The following RBFOX1 variants were observed in gnomAD, a reference collection of about 807,000 sequenced individuals.
RBFOX1 encodes RNA binding fox-1 homolog 1.
Under a neutral mutation model 57.7 loss-of-function variants are expected in RBFOX1, and 8 were observed. The observed-to-expected ratio is 0.14, with a 90% CI of 0.08 to 0.25. The LOEUF (loss-of-function observed/expected upper bound fraction) is 0.25. Ranked by LOEUF, RBFOX1 falls within the 10% of genes least tolerant of loss-of-function variation. RBFOX1 has a pLI of 1.00. For synonymous variants in RBFOX1, 326 were observed against 222.4 expected (o/e 1.47, Z -4.15); for missense variants, 611 against 548.5 (o/e 1.11, Z -1.14).
At chr16:7,205,605 C>G (rs750082188) in intron 4 of RBFOX1, among the ~76,000 whole-genome samples, 1 of 152,120 alleles carries the variant, frequency 6.6e-6, no homozygotes, top group African/African-American at 2.4e-5. Flanking sequence ...CCTGTTTTCA[C>G]TTCTACAATC....
At chr16:6,735,778 C>T (rs2070066761) in intron 3 of RBFOX1, among the ~76,000 whole-genome samples, 1 of 152,142 alleles carries the variant, frequency 6.6e-6, no homozygotes, top group Admixed American at 6.5e-5. Context: ...GGGTGGTGAT[C>T]TGTGGTTCCT....
intron 3 of RBFOX1, among the ~76,000 whole-genome samples, chr16:5,863,475 G>T (rs1416369283): frequency 4.6e-5 from 7 of 152,198 alleles, no homozygotes; most frequent in Non-Finnish European, 1.5e-5. Context: ...CCATCCTCCA[G>T]CAGGCCTCTG....
In RBFOX1 at chr16:7,075,781, C is replaced by T. The variant is rs558819477; in HGVS notation, c.27+23683C>T. Among the ~76,000 whole-genome samples the T allele has an allele frequency of 5.9e-4, 90 of 152,128 alleles. 1 individual carries two copies. Among genetic ancestry groups the T allele is most frequent in the African/African-American group, 2.1e-3 (88 of 41,532 alleles). On this transcript the variant is annotated intron_variant, in intron 4 of 15. Transcript: ENST00000550418. Reference sequence around the variant, plus strand: ...ATTTTTAGTAGAGACGGGATTTCACCGTTTTAGCCAGGATGGTCTTGATCT... The same window carrying T: ...ATTTTTAGTAGAGACGGGATTTCACTGTTTTAGCCAGGATGGTCTTGATCT...
At chr16:6,667,186 C>T (rs115661778) in intron 3 of RBFOX1, among the ~76,000 whole-genome samples, 2,312 of 152,260 alleles carry the variant, frequency 0.015, 59 homozygotes, top group African/African-American at 0.053. Context: ...AAATTAGCCT[C>T]TGATGGGCCG....
chr16:7,263,669 G>C, intron 4 of RBFOX1, among the ~76,000 whole-genome samples: 1 of 152,060 alleles, frequency 6.6e-6, no homozygotes, highest in East Asian at 1.9e-4. Context: ...GCCGAGGCAG[G>C]TGGATTACAT....
At chr16:6,946,019 T>C (rs2079443985) in intron 3 of RBFOX1, among the ~76,000 whole-genome samples, 1 of 152,166 alleles carries the variant, frequency 6.6e-6, no homozygotes, top group Non-Finnish European at 1.5e-5. Context: ...TGGAGCCCCC[T>C]TTGCCTACAC....
intron 4 of RBFOX1, among the ~76,000 whole-genome samples, chr16:7,063,006 T>C (rs1286607624): frequency 2.8e-5 from 4 of 141,578 alleles, no homozygotes; most frequent in African/African-American, 1.0e-4. Flanking sequence ...TGTGCTAAAC[T>C]TGGAGAACTG....
At chr16:7,174,561 A>C (rs1034136449) in intron 4 of RBFOX1, among the ~76,000 whole-genome samples, 1 of 152,194 alleles carries the variant, frequency 6.6e-6, no homozygotes, top group African/African-American at 2.4e-5. Flanking sequence ...CAGGCCAATC[A>C]CTTGAGGTCA....
At chr16:6,892,883 C>T (rs1160825398) in intron 3 of RBFOX1, among the ~76,000 whole-genome samples, 1 of 149,396 alleles carries the variant, frequency 6.7e-6, no homozygotes, top group Non-Finnish European at 1.5e-5. Flanking sequence ...TGTCTCTGCT[C>T]ATTTCTCACC....
chr16:6,666,254 C>T (rs893606603), intron 3 of RBFOX1, among the ~76,000 whole-genome samples: 2 of 152,122 alleles, frequency 1.3e-5, no homozygotes, highest in Non-Finnish European at 2.9e-5. Context: ...GTGACTGAGG[C>T]CGGGCACAGT....
chr16:5,407,141 A>T (rs1316589847), intron 1 of RBFOX1, among the ~76,000 whole-genome samples: 1 of 152,174 alleles, frequency 6.6e-6, no homozygotes, highest in East Asian at 1.9e-4. Flanking sequence ...CAGGCAAGAG[A>T]GAGACAGAGT....
rs193248944 is a variant in RBFOX1 at position 5,297,441 on chromosome 16, G to A, written c.219+57336G>A. On this transcript the variant is annotated intron_variant, in intron 1 of 2. Transcript: ENST00000585867. Reference sequence around the variant, plus strand: ...CTTTTTTATCATAGTCGTTCTAATAGGTGTCAGGTAATATATCATTGTGGC... The same window carrying A: ...CTTTTTTATCATAGTCGTTCTAATAAGTGTCAGGTAATATATCATTGTGGC... 2.0e-5 allele frequency among the ~76,000 whole-genome samples: 3 copies of A among 152,190 alleles called. No individual in the cohort carries two copies. In the East Asian group the frequency reaches 5.8e-4, roughly 29 times the overall value.
At chr16:6,478,429 A>ATATATATATTTTTT (rs1159954387) in intron 2 of RBFOX1, among the ~76,000 whole-genome samples, 5 of 24,590 alleles carry the variant, frequency 2.0e-4, no homozygotes, top group Non-Finnish European at 3.1e-4. Flanking sequence ...ATATATATAT[A>ATATATATATTTTTT]TTTTTTTTTT....
chr16:6,654,576 C>A, intron 2 of RBFOX1, 27 bp from the exon 3 acceptor site: 8 of 1,495,550 alleles, frequency 5.3e-6, no homozygotes, highest in Non-Finnish European at 7.1e-6. Context: ...CTTTCTCTCA[C>A]TTTCCTTTCT....
chr16:5,330,838 T>C (rs1289045810), intron 1 of RBFOX1, among the ~76,000 whole-genome samples: 1 of 151,936 alleles, frequency 6.6e-6, no homozygotes, highest in Non-Finnish European at 1.5e-5. Context: ...CTCTGCAAGG[T>C]GGAGGCTGCT....
intron 3 of RBFOX1, among the ~76,000 whole-genome samples, chr16:6,673,038 C>A (rs1201049108): frequency 6.6e-6 from 1 of 152,156 alleles, no homozygotes; most frequent in Non-Finnish European, 1.5e-5. Context: ...GGAAAGACAG[C>A]TCCCTGAAGA....
chr16:6,689,856 T>C (rs1340698707), intron 3 of RBFOX1, among the ~76,000 whole-genome samples: 4 of 152,182 alleles, frequency 2.6e-5, no homozygotes, highest in Non-Finnish European at 5.9e-5. Flanking sequence ...TGCAAAGACA[T>C]TTGTCTCTGA....
At chr16:6,610,480 A>C (rs2098029653) in intron 2 of RBFOX1, among the ~76,000 whole-genome samples, 1 of 151,978 alleles carries the variant, frequency 6.6e-6, no homozygotes, top group African/African-American at 2.4e-5. Context: ...GGTGCATGCC[A>C]CCACACTCAG....
At chr16:7,569,263 G>C (rs749513818) in intron 5 of RBFOX1, among the ~76,000 whole-genome samples, 2 of 152,188 alleles carry the variant, frequency 1.3e-5, no homozygotes, top group Admixed American at 1.3e-4. Flanking sequence ...GAGATCAGAA[G>C]TGTAGCATGG....
Sources: gnomAD v4.1 joint callset for allele counts (sites outside exome capture counted in the v4.1 genomes callset) on GRCh38, gnomAD v4.1.1 for gene constraint, MANE v1.5 for transcripts, NCBI Gene and HGNC (gene_info 2026-07-23, HGNC 2026-07-21) for gene names.